Variants in TAF6 observed in about 807,000 individuals in gnomAD.
TAF6 encodes the protein TATA-box binding protein associated factor 6.
A neutral mutation model predicts 73.5 loss-of-function variants in TAF6; 50 were observed. That is an observed-to-expected ratio of 0.68 (90% CI 0.54 to 0.86). TAF6 has a LOEUF of 0.86. Among genes scored for constraint, TAF6 ranks in the 40% least tolerant of loss-of-function variants. TAF6 has a pLI of 0.00. For synonymous variants in TAF6, 424 were observed against 376.7 expected (o/e 1.13, Z -1.45); for missense variants, 768 against 899.5 (o/e 0.85, Z 1.87).
chr7:100,107,405 A>C lies in TAF6; in HGVS notation c.1875T>G (p.Pro625=). The stretch of plus-strand genomic sequence containing the variant: ...ACGATGCCGGGGGAGGAACTGGAGA[A>C]GGATGGGAGGTGGGGCCTCCTTTGC... ...GEGKGGPTSH[P]SPVPPPASSP... Residue 625 remains proline, a synonymous_variant, in exon 15 of 15, where the codon CCT becomes CCG. Coordinates refer to ENST00000453269, the MANE Select transcript of TAF6 (RefSeq NM_139315.3). 6.2e-7 allele frequency: 1 copy of C among 1,604,326 alleles called. No homozygotes were observed. The highest frequency in any genetic ancestry group is 2.2e-5 in the East Asian group (1 of 44,654).
rs753562711 is a variant in TAF6, at chr7:100,107,210, G to A, written c.*36C>T. On this transcript the variant is annotated 3_prime_UTR_variant, in exon 15 of 15. Transcript: ENST00000453269. ...TGTACGTGCACGTGTGTACATGTCT[G>A]CATGTGTGGGAATCCGGGGGCTGGC... The A allele has an allele frequency of 3.3e-6, 5 of 1,518,188 alleles. No individual in the cohort carries two copies. Among genetic ancestry groups the A allele is most frequent in the Admixed American group, 2.2e-5 (1 of 44,672 alleles). 94.0% of individuals were successfully genotyped at this position (1,518,188 alleles called of 1,614,324 possible). A position where few individuals can be genotyped will look rare whatever the true frequency, so the allele number is the denominator to read the frequency against.
upstream of TAF6, chr7:100,119,452 TA>T: frequency 2.3e-6 from 3 of 1,311,454 alleles, no homozygotes; most frequent in Non-Finnish European, 2.9e-6. Context: ...AATGAAATTA[TA>T]TTTTAAAAGT....
chr7:100,111,827 G>C lies in TAF6; in HGVS notation c.801C>G (p.Val267=). Reference sequence around the variant, plus strand: ...GGTTGTTCTGAACCACGTTCACACGGACCTGTGGGAGGGAGAAGTGCTGGG... The same window carrying C: ...GGTTGTTCTGAACCACGTTCACACGCACCTGTGGGAGGGAGAAGTGCTGGG... ...PRFSTFISEG[V]RVNVVQNNLA... The change falls in exon 9 of 15, where the codon GTC becomes GTG. Residue 267 remains valine, a splice_region_variant and synonymous_variant. Transcript: ENST00000453269. 3 of 1,614,224 alleles carry C rather than the reference G, an allele frequency of 1.9e-6. No homozygotes were observed. Among genetic ancestry groups the C allele is most frequent in the Non-Finnish European group, 2.5e-6 (3 of 1,180,024 alleles).
upstream of TAF6, chr7:100,119,616 T>C: frequency 7.6e-6 from 12 of 1,580,408 alleles, no homozygotes; most frequent in Non-Finnish European, 1.0e-5. Context: ...GTTGGGCTGA[T>C]CCTGCGCATG....
the TAF6 span, chr7:100,124,876 A>G: frequency 3.8e-6 from 6 of 1,597,684 alleles, no homozygotes; most frequent in Non-Finnish European, 5.1e-6. Context: ...AACTTGACCG[A>G]GAAGATCTTT....
chr7:100,107,302 T>G lies in TAF6; in HGVS notation c.1978A>C (p.Thr660Pro). Residue 660 changes from threonine (T) to proline (P), a missense_variant, in exon 15 of 15, where the codon ACT (threonine) becomes CCT (proline). Coordinates refer to ENST00000453269, the MANE Select transcript of TAF6 (RefSeq NM_139315.3). ...AGDSPPPAPGTPKANGSQPNS... is the reference protein window; with the variant it reads ...AGDSPPPAPGPPKANGSQPNS... The stretch of plus-strand genomic sequence containing the variant: ...GGCTGGGAGCCATTGGCTTTTGGAG[T>G]CCCTGGAGCTGGAGGGGGACTGTCC... 6.6e-7 allele frequency: 1 copy of G among 1,522,948 alleles called. No individual in the cohort carries two copies. The allele number at this position is 1,522,948 out of a possible 1,614,324, so 94.3% of individuals were successfully genotyped here. A position where few individuals can be genotyped will look rare whatever the true frequency, so the allele number is the denominator to read the frequency against.
chr7:100,112,696 C>T, intron 6 of TAF6, 102 bp downstream of exon 6: 2 of 1,451,082 alleles, frequency 1.4e-6, no homozygotes, highest in Non-Finnish European at 1.8e-6. Context: ...GCCTGGGTGA[C>T]AGAGTGAGAC....
In TAF6 at chr7:100,113,960, G is replaced by A. The variant is rs1205982645; in HGVS notation, c.157-6C>T. On this transcript the variant is annotated splice_region_variant and splice_polypyrimidine_tract_variant and intron_variant, in intron 2 of 14. Coordinates refer to ENST00000453269, the MANE Select transcript of TAF6 (RefSeq NM_139315.3). Reference sequence around the variant, plus strand: ...TGCATGAACTTCAAGGCATCCTGGGGTCGGTGACAGAACAGACATCAGCCC... The same window carrying A: ...TGCATGAACTTCAAGGCATCCTGGGATCGGTGACAGAACAGACATCAGCCC... The A allele has an allele frequency of 3.7e-6, 6 of 1,614,164 alleles. No individual in the cohort carries two copies. Among genetic ancestry groups the A allele is most frequent in the Non-Finnish European group, 5.1e-6 (6 of 1,180,042 alleles).
intron 10 of TAF6, 53 bp from the exon 11 acceptor site, chr7:100,110,327 C>G (rs4134917): frequency 2.5e-6 from 4 of 1,590,350 alleles, no homozygotes; most frequent in Non-Finnish European, 3.5e-6. Context: ...GGATGATTGA[C>G]AGGGACCTAA....
rs764703564 is a variant in TAF6, at chr7:100,112,252, C to T, written c.576G>A (p.Gly192=). 2.6e-5 allele frequency: 42 copies of T among 1,611,248 alleles called. No homozygotes were observed. Among genetic ancestry groups the T allele is most frequent in the Non-Finnish European group, 3.1e-5 (36 of 1,178,914 alleles). ...GQGATTADGK[G]KEKKAPPLLE... ...GCAAGGGCGGCGCCTTCTTCTCTTTCCCTGTGTGATTGGAAAGGTGGGTCT... is the reference window on the plus strand; with the variant it reads ...GCAAGGGCGGCGCCTTCTTCTCTTTTCCTGTGTGATTGGAAAGGTGGGTCT... Residue 192 remains glycine, a splice_region_variant and synonymous_variant, in exon 7 of 15, where the codon GGG becomes GGA. Coordinates refer to ENST00000453269, the MANE Select transcript of TAF6 (RefSeq NM_139315.3).
At chr7:100,121,558 C>T (rs1798068853), upstream of TAF6, among the ~76,000 whole-genome samples, 1 of 152,092 alleles carries the variant, frequency 6.6e-6, no homozygotes. Context: ...AGTGATTCTC[C>T]TGCCTCAGCT....
At chr7:100,112,412 T>G (rs1004384246) in intron 6 of TAF6, among the ~76,000 whole-genome samples, 159 bp from the exon 7 acceptor site, 3 of 151,852 alleles carry the variant, frequency 2.0e-5, no homozygotes, top group Non-Finnish European at 4.4e-5. Flanking sequence ...CTCAGCCACT[T>G]CACCAATGGC....
At chr7:100,112,335 C>T (rs982134014) in intron 6 of TAF6, 82 bp from the exon 7 acceptor site, 1 of 1,521,580 alleles carries the variant, frequency 6.6e-7, no homozygotes. Context: ...CCTCCACTTC[C>T]CCTGAGACCC....
At position 100,107,163 on chromosome 7, in the gene TAF6, C is replaced by T. The variant is rs1584526796; in HGVS notation, c.*83G>A. 2.7e-6 allele frequency: 4 copies of T among 1,503,328 alleles called. No homozygotes were observed. The East Asian group carries it at 9.2e-5, about 34-fold the overall frequency. 93.1% of individuals were successfully genotyped at this position (1,503,328 alleles called of 1,614,324 possible). On this transcript the variant is annotated 3_prime_UTR_variant, in exon 15 of 15. Coordinates refer to ENST00000453269, the MANE Select transcript of TAF6 (RefSeq NM_139315.3). ...GAAGGAAGCAATCTACAACTTCCTTCCGCTTAGCGAGCATGCATGTGTGTA... is the reference window on the plus strand; with the variant it reads ...GAAGGAAGCAATCTACAACTTCCTTTCGCTTAGCGAGCATGCATGTGTGTA...
chr7:100,123,297 G>A (rs1043433126), upstream of TAF6, among the ~76,000 whole-genome samples: 3 of 151,252 alleles, frequency 2.0e-5, no homozygotes, highest in Admixed American at 6.6e-5. Context: ...AGCCAAGATC[G>A]CACCATTGCA....
the TAF6 span, among the ~76,000 whole-genome samples, chr7:100,125,845 A>G: frequency 2.0e-5 from 3 of 152,090 alleles, no homozygotes; most frequent in Non-Finnish European, 4.4e-5. Context: ...GGAGTTCGAG[A>G]GCAGCCTGGC....
At position 100,107,290 on chromosome 7, in the gene TAF6, T is replaced by G. The variant is rs1796615268; in HGVS notation, c.1990A>C (p.Asn664His). ...PPPAPGTPKANGSQPNSGSPQ... is the reference protein window; with the variant it reads ...PPPAPGTPKAHGSQPNSGSPQ... ...GAGCCGGAGTTGGGCTGGGAGCCATTGGCTTTTGGAGTCCCTGGAGCTGGA... is the reference window on the plus strand; with the variant it reads ...GAGCCGGAGTTGGGCTGGGAGCCATGGGCTTTTGGAGTCCCTGGAGCTGGA... The change falls in exon 15 of 15, where the codon AAT (asparagine) becomes CAT (histidine). Residue 664 changes from asparagine to histidine, a missense_variant. Coordinates refer to ENST00000453269, the MANE Select transcript of TAF6 (RefSeq NM_139315.3). 6.6e-7 allele frequency: 1 copy of G among 1,524,088 alleles called. No individual in the cohort carries two copies. The highest frequency in any genetic ancestry group is 1.4e-5 in the African/African-American group (1 of 71,802). The allele number at this position is 1,524,088 out of a possible 1,614,324, so 94.4% of individuals were successfully genotyped here.
rs1797003865 is a variant in TAF6, at chr7:100,109,874, TA to T, written c.1284+73del. ...TGAGGCAAAGATGGGAGTAAGTGAA[TA>T]AAATATGCCATATGCTTGCTAAACA... On this transcript the variant is annotated intron_variant, in intron 12 of 14. Coordinates refer to ENST00000453269, the MANE Select transcript of TAF6 (RefSeq NM_139315.3). 4 of 1,579,430 alleles carry T rather than the reference TA, an allele frequency of 2.5e-6. No homozygotes were observed. In the African/African-American group the frequency reaches 5.4e-5, roughly 21 times the overall value.
upstream of TAF6, chr7:100,121,087 ATT>A (rs1477679765): frequency 4.7e-3 from 212 of 44,938 alleles, 3 homozygotes; most frequent in African/African-American, 0.015. Context: ...AATTGTATTA[ATT>A]TTATATATAT....
Sources: gnomAD v4.1 joint callset for allele counts (sites outside exome capture counted in the v4.1 genomes callset) on GRCh38, gnomAD v4.1.1 for gene constraint, MANE v1.5 for transcripts, NCBI Gene and HGNC (gene_info 2026-07-23, HGNC 2026-07-21) for gene names.